Variants in SCGB2B2 observed in about 807,000 individuals in gnomAD.
The protein encoded by SCGB2B2 is secretoglobin-like protein.
Under a neutral mutation model 7.6 loss-of-function variants are expected in SCGB2B2, and 11 were observed. The ratio of observed to expected loss-of-function variants is 1.45; its 90% CI spans 0.91 to 2.40. SCGB2B2 has a LOEUF of 2.40. SCGB2B2 is among the 30% of genes most tolerant of loss of function. The probability of loss-of-function intolerance (pLI) is 0.00; values close to 1 mark genes in which losing one functional copy is unlikely to be tolerated. For missense variants in SCGB2B2, 104 were observed against 115.4 expected (o/e 0.90, Z 0.45); for synonymous variants, 50 against 48.6 (o/e 1.03, Z -0.12).
At chr19:34,607,362 T>C (rs1373348582) in intron 1 of SCGB2B2, among the ~76,000 whole-genome samples, 1 of 152,238 alleles carries the variant, frequency 6.6e-6, no homozygotes, top group Non-Finnish European at 1.5e-5. Context: ...ATTCATCCAT[T>C]GACAGGCATT....
chr19:34,607,471 T>C (rs2065813549), intron 1 of SCGB2B2, among the ~76,000 whole-genome samples: 1 of 152,222 alleles, frequency 6.6e-6, no homozygotes, highest in African/African-American at 2.4e-5. Flanking sequence ...TACCCAGAAG[T>C]GGGATTTCTG....
At chr19:34,597,393 T>C (rs1040559422) in intron 1 of SCGB2B2, among the ~76,000 whole-genome samples, 1 of 151,936 alleles carries the variant, frequency 6.6e-6, no homozygotes, top group Non-Finnish European at 1.5e-5. Context: ...TTGGGGGTGG[T>C]GGTGGCTGGA....
At chr19:34,668,504 C>T (rs192526807) in intron 1 of SCGB2B2, among the ~76,000 whole-genome samples, 1 of 152,312 alleles carries the variant, frequency 6.6e-6, no homozygotes, top group Admixed American at 6.5e-5. Context: ...CCAGTCCCAT[C>T]GACCACCCAA....
At chr19:34,644,945 G>A (rs2066954229) in intron 1 of SCGB2B2, among the ~76,000 whole-genome samples, 1 of 152,202 alleles carries the variant, frequency 6.6e-6, no homozygotes, top group Non-Finnish European at 1.5e-5. Context: ...AACGAGCTTG[G>A]GAGGTGGGAA....
At chr19:34,666,470 T>C in intron 1 of SCGB2B2, among the ~76,000 whole-genome samples, 1 of 152,010 alleles carries the variant, frequency 6.6e-6, no homozygotes, top group East Asian at 1.9e-4. Flanking sequence ...CCAGTGCACA[T>C]GGATGCCTGC....
intron 1 of SCGB2B2, among the ~76,000 whole-genome samples, chr19:34,598,307 T>C (rs1031994176): frequency 5.3e-5 from 8 of 151,674 alleles, no homozygotes; most frequent in Non-Finnish European, 8.8e-5. Context: ...GTCTGTAGGG[T>C]CTAGGGAATT....
At chr19:34,662,316 T>C (rs1284311682) in intron 1 of SCGB2B2, among the ~76,000 whole-genome samples, 3 of 152,146 alleles carry the variant, frequency 2.0e-5, no homozygotes, top group Non-Finnish European at 4.4e-5. Flanking sequence ...AGGGAGTTCT[T>C]ACCCACACTT....
At chr19:34,613,949 A>G (rs1445794970) in intron 1 of SCGB2B2, among the ~76,000 whole-genome samples, 2 of 152,180 alleles carry the variant, frequency 1.3e-5, no homozygotes, top group Non-Finnish European at 2.9e-5. Flanking sequence ...ATATTATCCC[A>G]TACTCTCCTG....
intron 1 of SCGB2B2, among the ~76,000 whole-genome samples, chr19:34,638,894 C>T (rs1008926233): frequency 6.6e-6 from 1 of 152,142 alleles, no homozygotes; most frequent in African/African-American, 2.4e-5. Flanking sequence ...CTTCTTCCCA[C>T]CCAAATTGCA....
intron 1 of SCGB2B2, among the ~76,000 whole-genome samples, chr19:34,613,101 TC>T (rs2065978757): frequency 2.3e-5 from 1 of 44,176 alleles, no homozygotes; most frequent in South Asian, 9.5e-4. Flanking sequence ...CATTTTCTTT[TC>T]TTTTTTTTTT....
chr19:34,642,690 G>C (rs1169100559), intron 1 of SCGB2B2, among the ~76,000 whole-genome samples: 2 of 118,302 alleles, frequency 1.7e-5, no homozygotes, highest in Admixed American at 1.1e-4. Flanking sequence ...ACTCCAGCCT[G>C]GGCGACAGAG....
At chr19:34,643,742 A>G (rs1038053217) in intron 1 of SCGB2B2, among the ~76,000 whole-genome samples, 2 of 152,166 alleles carry the variant, frequency 1.3e-5, no homozygotes, top group African/African-American at 4.8e-5. Flanking sequence ...AATGATGGTA[A>G]AAGGAGAACA....
At chr19:34,674,938 C>A (rs1002519345) in intron 1 of SCGB2B2, among the ~76,000 whole-genome samples, 2 of 152,188 alleles carry the variant, frequency 1.3e-5, no homozygotes, top group Non-Finnish European at 2.9e-5. Flanking sequence ...CCTTAAACCT[C>A]ATTTTTTCCT....
At chr19:34,662,954 AC>A (rs1387846574) in intron 1 of SCGB2B2, among the ~76,000 whole-genome samples, 1 of 146,130 alleles carries the variant, frequency 6.8e-6, no homozygotes, top group African/African-American at 2.7e-5. Flanking sequence ...AAACAAACAA[AC>A]AAACAAAAAA....
chr19:34,589,087 T>C (rs1243756178), downstream of SCGB2B2, among the ~76,000 whole-genome samples: 1 of 152,062 alleles, frequency 6.6e-6, no homozygotes, highest in Non-Finnish European at 1.5e-5. Flanking sequence ...GGTGACGTGA[T>C]GAGACCTGGA....
intron 1 of SCGB2B2, among the ~76,000 whole-genome samples, chr19:34,664,496 T>C (rs1379270005): frequency 1.3e-5 from 2 of 152,144 alleles, no homozygotes; most frequent in South Asian, 2.1e-4. Context: ...CAAGGCCAGG[T>C]GCCTGTGCCT....
chr19:34,605,697 C>T (rs1455047653), intron 1 of SCGB2B2, among the ~76,000 whole-genome samples: 1 of 152,180 alleles, frequency 6.6e-6, no homozygotes, highest in African/African-American at 2.4e-5. Flanking sequence ...AAGCAATTCT[C>T]CTGCCTCAGC....
intron 1 of SCGB2B2, among the ~76,000 whole-genome samples, chr19:34,607,191 G>A (rs994712011): frequency 1.3e-5 from 2 of 152,162 alleles, no homozygotes; most frequent in African/African-American, 4.8e-5. Context: ...TGTCCTACAG[G>A]TTCATCCGTA....
At chr19:34,671,893 T>G (rs1371603305) in intron 1 of SCGB2B2, among the ~76,000 whole-genome samples, 4 of 152,242 alleles carry the variant, frequency 2.6e-5, no homozygotes, top group Non-Finnish European at 5.9e-5. Flanking sequence ...GTTGTCTAAC[T>G]TATTTGTTCA....
Sources: allele counts gnomAD v4.1 joint callset (sites outside exome capture counted in the v4.1 genomes callset), GRCh38; gene constraint gnomAD v4.1.1; transcripts MANE v1.5; gene names NCBI Gene and HGNC (gene_info 2026-07-23, HGNC 2026-07-21).